Variants in CDH13 observed in about 807,000 individuals in gnomAD.
CDH13 encodes the protein cadherin-13.
A neutral mutation model predicts 63.8 loss-of-function variants in CDH13; 24 were observed. The observed-to-expected ratio is 0.38, with a 90% CI of 0.27 to 0.53. The LOEUF (loss-of-function observed/expected upper bound fraction) is 0.53, where lower values mean the gene tolerates loss of function less well. Among genes scored for constraint, CDH13 ranks in the 20% least tolerant of loss-of-function variants. The pLI is 0.85. For synonymous variants in CDH13, 503 were observed against 355.3 expected (o/e 1.42, Z -4.67); for missense variants, 1,049 against 903.1 (o/e 1.16, Z -2.07).
chr16:83,559,592 G>A lies in CDH13; in HGVS notation c.961-42862G>A, dbSNP rs139457211. Reference sequence around the variant, plus strand: ...ATAAAAAGAAAGAGAGAGAGAGAGAGAAAAGAAGGAAGGAAGGAAGGAAAG... The same window carrying A: ...ATAAAAAGAAAGAGAGAGAGAGAGAAAAAAGAAGGAAGGAAGGAAGGAAAG... On this transcript the variant is annotated intron_variant, in intron 7 of 13. Coordinates refer to ENST00000567109, the MANE Select transcript of CDH13 (RefSeq NM_001257.5). 8.0e-3 allele frequency among the ~76,000 whole-genome samples: 1,202 copies of A among 150,138 alleles called. 17 individuals are homozygous for A. Among genetic ancestry groups the A allele is most frequent in the African/African-American group, 0.028 (1,137 of 40,796 alleles).
intron 5 of CDH13, among the ~76,000 whole-genome samples, chr16:83,292,295 A>G (rs926496541): frequency 3.9e-5 from 6 of 152,112 alleles, no homozygotes; most frequent in Admixed American, 2.0e-4. Flanking sequence ...TTAATGTTGC[A>G]TTTGTAGTTT....
intron 1 of CDH13, among the ~76,000 whole-genome samples, chr16:82,842,612 G>T (rs2039081592): frequency 6.6e-6 from 1 of 152,120 alleles, no homozygotes; most frequent in Non-Finnish European, 1.5e-5. Context: ...CACTAGGACT[G>T]GTTTCATGGA....
At chr16:83,335,162 C>G (rs921873234) in intron 5 of CDH13, among the ~76,000 whole-genome samples, 6 of 152,074 alleles carry the variant, frequency 3.9e-5, no homozygotes, top group Non-Finnish European at 5.9e-5. Flanking sequence ...GGCTTATTTC[C>G]ATGGAATCTC....
At chr16:83,733,052 T>C (rs374984697) in intron 10 of CDH13, among the ~76,000 whole-genome samples, 2 of 152,056 alleles carry the variant, frequency 1.3e-5, no homozygotes, top group East Asian at 3.9e-4. Context: ...AAGATACGCA[T>C]CCCAAGGGCA....
chr16:82,813,397 T>C (rs1251271835), intron 1 of CDH13, among the ~76,000 whole-genome samples: 1 of 152,092 alleles, frequency 6.6e-6, no homozygotes, highest in Admixed American at 6.6e-5. Flanking sequence ...AAGAGCTGAG[T>C]GTTGCATGAC....
At chr16:83,255,594 A>T (rs1016404201) in intron 5 of CDH13, among the ~76,000 whole-genome samples, 8 of 152,286 alleles carry the variant, frequency 5.3e-5, no homozygotes, top group South Asian at 2.1e-4. Context: ...TGCTGGCCCA[A>T]ACATCAATGT....
intron 2 of CDH13, among the ~76,000 whole-genome samples, chr16:82,928,732 C>G (rs2042385395): frequency 6.6e-6 from 1 of 152,138 alleles, no homozygotes. Context: ...TTCTTAAATA[C>G]TAAAGTAAGA....
intron 4 of CDH13, among the ~76,000 whole-genome samples, chr16:83,136,224 C>T (rs528074877): frequency 6.6e-6 from 1 of 151,486 alleles, no homozygotes; most frequent in East Asian, 1.9e-4. Flanking sequence ...TGGCTCATGC[C>T]TGTAATCCCA....
chr16:82,999,186 C>T (rs998628079), intron 2 of CDH13, among the ~76,000 whole-genome samples: 1 of 152,072 alleles, frequency 6.6e-6, no homozygotes, highest in Non-Finnish European at 1.5e-5. Flanking sequence ...CCATTTAGCC[C>T]TCTTTTCTCT....
chr16:83,537,026 G>A (rs1268707174), intron 7 of CDH13, among the ~76,000 whole-genome samples: 1 of 152,220 alleles, frequency 6.6e-6, no homozygotes, highest in Non-Finnish European at 1.5e-5. Context: ...AACTAAGGCA[G>A]AATTTTAAGG....
chr16:83,774,532 C>T (rs560286515), intron 11 of CDH13, among the ~76,000 whole-genome samples: 3 of 152,198 alleles, frequency 2.0e-5, no homozygotes, highest in African/African-American at 7.2e-5. Context: ...GCCATCATGC[C>T]CAGCTAATTT....
chr16:83,429,321 A>C lies in CDH13; in HGVS notation c.782-57156A>C, dbSNP rs578175508. Among the ~76,000 whole-genome samples the C allele has an allele frequency of 4.1e-4, 63 of 152,274 alleles. No individual in the cohort carries two copies. The South Asian group carries it at 4.8e-3, about 12-fold the overall frequency. ...ATCTCAACCACCTGATTTCCTCATG[A>C]GGTACAGGGGACTTATGCAAACCTC... On this transcript the variant is annotated intron_variant, in intron 6 of 13. Transcript: ENST00000567109.
chr16:83,112,615 T>C (rs1306383134), intron 3 of CDH13, among the ~76,000 whole-genome samples: 1 of 152,202 alleles, frequency 6.6e-6, no homozygotes, highest in Non-Finnish European at 1.5e-5. Flanking sequence ...TTCCCCATAA[T>C]ATTATAGTAA....
chr16:82,772,184 A>T (rs1405996242), intron 1 of CDH13, among the ~76,000 whole-genome samples: 1 of 151,742 alleles, frequency 6.6e-6, no homozygotes, highest in Non-Finnish European at 1.5e-5. Context: ...AGCCATGGTG[A>T]GAGTATCTAC....
At chr16:82,800,848 C>G (rs1413902884) in intron 1 of CDH13, among the ~76,000 whole-genome samples, 2 of 152,290 alleles carry the variant, frequency 1.3e-5, no homozygotes, top group East Asian at 3.9e-4. Flanking sequence ...TTATTTTACT[C>G]ATTTGTAGTC....
intron 8 of CDH13, among the ~76,000 whole-genome samples, chr16:83,667,068 G>C (rs1914044226): frequency 6.6e-6 from 1 of 150,832 alleles, no homozygotes; most frequent in Non-Finnish European, 1.5e-5. Flanking sequence ...GATGATGAAT[G>C]GAAGGATGGA....
intron 1 of CDH13, among the ~76,000 whole-genome samples, chr16:82,858,002 T>C (rs1334432920): frequency 6.6e-6 from 1 of 152,196 alleles, no homozygotes; most frequent in Non-Finnish European, 1.5e-5. Flanking sequence ...CAATGCTTCT[T>C]TGCTTGTATA....
chr16:83,629,079 A>G (rs1306267763), intron 8 of CDH13, among the ~76,000 whole-genome samples: 1 of 152,192 alleles, frequency 6.6e-6, no homozygotes, highest in Non-Finnish European at 1.5e-5. Flanking sequence ...ACTGAGTAAA[A>G]ATGATTTTTG....
chr16:83,498,164 AG>A (rs1434964544), intron 7 of CDH13, among the ~76,000 whole-genome samples: 3 of 152,216 alleles, frequency 2.0e-5, no homozygotes, highest in Non-Finnish European at 4.4e-5. Flanking sequence ...GAGCCCTGAT[AG>A]GTGAGAGGAG....
Sources: allele counts gnomAD v4.1 joint callset (sites outside exome capture counted in the v4.1 genomes callset), GRCh38; gene constraint gnomAD v4.1.1; transcripts MANE v1.5; gene names NCBI Gene and HGNC (gene_info 2026-07-23, HGNC 2026-07-21).